MAPRE2: variants seen among roughly 807,000 people sequenced by gnomAD.
MAPRE2 encodes microtubule associated protein RP/EB family member 2.
Under a neutral mutation model 43.2 loss-of-function variants are expected in MAPRE2, and 13 were observed. The observed-to-expected ratio is 0.30, with a 90% CI of 0.20 to 0.48. The LOEUF (loss-of-function observed/expected upper bound fraction) is 0.48, where lower values mean the gene tolerates loss of function less well. Ranked by LOEUF, MAPRE2 falls within the 20% of genes least tolerant of loss-of-function variation. The probability of loss-of-function intolerance (pLI) is 0.99; values close to 1 mark genes in which losing one functional copy is unlikely to be tolerated. For synonymous variants in MAPRE2, 135 were observed against 148.8 expected, an observed-to-expected ratio of 0.91 and a Z score of 0.68; for missense variants, 161 against 400.2, an observed-to-expected ratio of 0.40 and a Z score of 5.10.
intron 5 of MAPRE2, chr18:35,127,725 G>T (rs1569014449): frequency 6.6e-6 from 1 of 152,214 alleles, no homozygotes. Context: ...TGCTGCAGGA[G>T]CACCGAACCC....
chr18:35,027,885 C>A (rs1163296475), intron 2 of MAPRE2, among the ~76,000 whole-genome samples: 2 of 152,234 alleles, frequency 1.3e-5, no homozygotes, highest in East Asian at 3.9e-4. Flanking sequence ...TATTTGGAGC[C>A]TTGGTACTCT....
upstream of MAPRE2, among the ~76,000 whole-genome samples, chr18:35,040,305 C>T (rs989644448): frequency 6.6e-6 from 1 of 152,208 alleles, no homozygotes; most frequent in East Asian, 1.9e-4. Context: ...CTGCACAGTG[C>T]TAGCAATTCT....
intron 4 of MAPRE2, among the ~76,000 whole-genome samples, chr18:35,115,180 T>C (rs1224730080): frequency 6.6e-6 from 1 of 152,132 alleles, no homozygotes; most frequent in Admixed American, 6.6e-5. Context: ...CCTCATATAA[T>C]TATTGAGTTG....
intron 2 of MAPRE2, among the ~76,000 whole-genome samples, chr18:35,085,527 C>A (rs1031173324): frequency 6.6e-6 from 1 of 152,204 alleles, no homozygotes; most frequent in South Asian, 2.1e-4. Context: ...AGAACTGAAT[C>A]TGGAAAGGGT....
At chr18:34,986,096 G>C (rs1468720276) in intron 1 of MAPRE2, among the ~76,000 whole-genome samples, 1 of 151,948 alleles carries the variant, frequency 6.6e-6, no homozygotes, top group East Asian at 1.9e-4. Context: ...GTAGGAGGTA[G>C]GTAAATACAC....
intron 6 of MAPRE2, among the ~76,000 whole-genome samples, chr18:35,139,075 A>G (rs1350974140): frequency 6.6e-6 from 1 of 152,186 alleles, no homozygotes; most frequent in Admixed American, 6.5e-5. Context: ...ATTCCAAATC[A>G]GTGTCATAGC....
intron 2 of MAPRE2, among the ~76,000 whole-genome samples, chr18:35,014,037 G>A (rs1430851479): frequency 6.8e-6 from 1 of 146,880 alleles, no homozygotes; most frequent in Non-Finnish European, 1.5e-5. Context: ...CCAGGGCTTT[G>A]AAAAGGCAGG....
At chr18:35,052,035 A>G (rs78826387) in intron 1 of MAPRE2, among the ~76,000 whole-genome samples, 1,789 of 152,320 alleles carry the variant, frequency 0.012, 32 homozygotes, top group African/African-American at 0.041. Flanking sequence ...GAACCTGGAA[A>G]AAAGTCAAAC....
upstream of MAPRE2, among the ~76,000 whole-genome samples, chr18:35,040,189 C>T (rs953818467): frequency 6.6e-6 from 1 of 152,066 alleles, no homozygotes; most frequent in Admixed American, 6.5e-5. Flanking sequence ...GGTGACAGAG[C>T]GAGACTCTGC....
intron 2 of MAPRE2, among the ~76,000 whole-genome samples, chr18:35,070,967 T>C (rs1312809289): frequency 6.6e-6 from 1 of 152,144 alleles, no homozygotes. Flanking sequence ...CCTCGCAGGC[T>C]CCGTGGTGTT....
chr18:35,059,742 G>C (rs1906424936), intron 1 of MAPRE2, among the ~76,000 whole-genome samples: 1 of 152,162 alleles, frequency 6.6e-6, no homozygotes, highest in Non-Finnish European at 1.5e-5. Flanking sequence ...CAAACCTGAA[G>C]CATGAGATGC....
At chr18:35,022,391 AT>A (rs1000348588) in intron 2 of MAPRE2, among the ~76,000 whole-genome samples, 4 of 101,186 alleles carry the variant, frequency 4.0e-5, no homozygotes, top group African/African-American at 1.2e-4. Context: ...GAATCTGAGT[AT>A]TTTTTATCAT....
intron 2 of MAPRE2, among the ~76,000 whole-genome samples, chr18:35,013,244 A>C (rs1386548324): frequency 6.6e-6 from 1 of 152,148 alleles, no homozygotes; most frequent in Non-Finnish European, 1.5e-5. Context: ...GACTATAAAG[A>C]TGGAGACAGA....
chr18:35,125,764 G>GT lies in MAPRE2; in HGVS notation c.611-1183dup, dbSNP rs143913400. On this transcript the variant is annotated intron_variant, in intron 4 of 6. Coordinates refer to ENST00000300249, the MANE Select transcript of MAPRE2 (RefSeq NM_014268.4). Reference sequence around the variant, plus strand: ...TTGTGTCTGCGCGTTGTTCTAGGTAGTGAGAGTCTATTGTGACCTGAGCTC... The same window carrying GT: ...TTGTGTCTGCGCGTTGTTCTAGGTAGTTGAGAGTCTATTGTGACCTGAGCTC... 8.7e-3 allele frequency among the ~76,000 whole-genome samples: 1,323 copies of GT among 152,358 alleles called. 17 individuals carry two copies. Among genetic ancestry groups the GT allele is most frequent in the African/African-American group, 0.03 (1,261 of 41,566 alleles).
intron 2 of MAPRE2, among the ~76,000 whole-genome samples, chr18:35,096,194 C>T (rs983382682): frequency 6.6e-5 from 10 of 152,134 alleles, no homozygotes; most frequent in Non-Finnish European, 1.3e-4. Context: ...TGGCTCTTCA[C>T]AGAAGTCTTG....
intron 3 of MAPRE2, among the ~76,000 whole-genome samples, chr18:35,099,592 GC>G (rs1197431932): frequency 6.6e-6 from 1 of 152,174 alleles, no homozygotes; most frequent in Admixed American, 6.5e-5. Context: ...TCCAGCCTGG[GC>G]AACAGAGTGA....
chr18:35,068,772 G>A (rs982935747), intron 1 of MAPRE2, among the ~76,000 whole-genome samples: 1 of 152,134 alleles, frequency 6.6e-6, no homozygotes, highest in African/African-American at 2.4e-5. Context: ...AAATATCAGA[G>A]CTAACAATAT....
intron 1 of MAPRE2, among the ~76,000 whole-genome samples, chr18:35,059,523 A>T (rs1328991999): frequency 1.3e-5 from 2 of 152,222 alleles, no homozygotes; most frequent in Non-Finnish European, 2.9e-5. Context: ...ACAGGAGATA[A>T]AGCTGTAAAC....
intron 2 of MAPRE2, among the ~76,000 whole-genome samples, chr18:35,019,057 T>TC (rs1426640158): frequency 6.6e-6 from 1 of 151,660 alleles, no homozygotes; most frequent in African/African-American, 2.4e-5. Context: ...TTTAGAATTT[T>TC]TTTTTATTTC....
Sources: gnomAD v4.1 joint callset for allele counts (sites outside exome capture counted in the v4.1 genomes callset) on GRCh38, gnomAD v4.1.1 for gene constraint, MANE v1.5 for transcripts, NCBI Gene and HGNC (gene_info 2026-07-23, HGNC 2026-07-21) for gene names.